The following ATP6V1H variants were observed in gnomAD, a reference collection of about 807,000 sequenced individuals.
The protein encoded by ATP6V1H is ATPase H+ transporting V1 subunit H.
Under a neutral mutation model 71.7 loss-of-function variants are expected in ATP6V1H, and 39 were observed. The ratio of observed to expected loss-of-function variants is 0.54; its 90% CI spans 0.42 to 0.71. The LOEUF (loss-of-function observed/expected upper bound fraction) is 0.71, where lower values mean the gene tolerates loss of function less well. Among genes scored for constraint, ATP6V1H ranks in the 30% least tolerant of loss-of-function variants. ATP6V1H has a pLI of 0.00. For missense variants in ATP6V1H, 509 were observed against 594.9 expected (o/e 0.86, Z 1.50); for synonymous variants, 192 against 199.3 (o/e 0.96, Z 0.31).
Position 53,752,313 on chromosome 8 carries a change from C to T in ATP6V1H, c.1277+4242G>A, listed in dbSNP as rs757354842. 3.9e-5 allele frequency among the ~76,000 whole-genome samples: 6 copies of T among 152,308 alleles called. No homozygotes were observed. In the South Asian group the frequency reaches 1.0e-3, roughly 26 times the overall value. On this transcript the variant is annotated intron_variant, in intron 12 of 13. Coordinates refer to ENST00000359530, the MANE Select transcript of ATP6V1H (RefSeq NM_015941.4). The stretch of plus-strand genomic sequence containing the variant: ...TAGGCTGGGAATCCTTCTCCTGATA[C>T]CTCACTAGAGGCAACACTCTATTTT...
At chr8:53,786,530 G>A (rs934437927) in intron 9 of ATP6V1H, among the ~76,000 whole-genome samples, 6 of 152,088 alleles carry the variant, frequency 3.9e-5, no homozygotes, top group East Asian at 1.9e-4. Flanking sequence ...CGCACTGTGC[G>A]CTGCACACAC....
At chr8:53,827,148 G>A (rs1282969698) in intron 4 of ATP6V1H, among the ~76,000 whole-genome samples, 2 of 151,962 alleles carry the variant, frequency 1.3e-5, no homozygotes, top group South Asian at 2.1e-4. Context: ...TTGGGAGGCC[G>A]AGGTGGGCAG....
chr8:53,783,638 T>C (rs1387228046), intron 9 of ATP6V1H, among the ~76,000 whole-genome samples: 1 of 152,240 alleles, frequency 6.6e-6, no homozygotes, highest in African/African-American at 2.4e-5. Flanking sequence ...GTTGTTAGGG[T>C]GTCAATTTTA....
chr8:53,789,057 T>C (rs1809479088), intron 9 of ATP6V1H, among the ~76,000 whole-genome samples: 1 of 152,234 alleles, frequency 6.6e-6, no homozygotes, highest in African/African-American at 2.4e-5. Context: ...CTTACATATA[T>C]TTGGTCTTCA....
intron 13 of ATP6V1H, among the ~76,000 whole-genome samples, chr8:53,717,127 G>C (rs981280708): frequency 6.6e-6 from 1 of 152,268 alleles, no homozygotes; most frequent in African/African-American, 2.4e-5. Flanking sequence ...ACCTTTGGGG[G>C]CCACCGATGT....
intron 7 of ATP6V1H, among the ~76,000 whole-genome samples, chr8:53,808,914 A>C (rs1009583893): frequency 6.6e-6 from 1 of 152,202 alleles, no homozygotes; most frequent in Admixed American, 6.5e-5. Context: ...CACATTTTGC[A>C]GTGTAAAACT....
rs546757798 is a variant in ATP6V1H, at chr8:53,722,056, C to A, written c.1392-6032G>T. Among the ~76,000 whole-genome samples the A allele has an allele frequency of 3.3e-5, 5 of 152,154 alleles. No homozygotes were observed. The South Asian group carries it at 1.0e-3, about 32-fold the overall frequency. On this transcript the variant is annotated intron_variant, in intron 13 of 13. Coordinates refer to ENST00000359530, the MANE Select transcript of ATP6V1H (RefSeq NM_015941.4). ...GCAATTTATGTAAAATTTGCAATAA[C>A]AAAGTTATTTTTTCCTACAGGAATT...
chr8:53,767,282 C>T (rs761892883), intron 11 of ATP6V1H, among the ~76,000 whole-genome samples: 6 of 152,118 alleles, frequency 3.9e-5, no homozygotes, highest in Non-Finnish European at 8.8e-5. Context: ...CACACTAATG[C>T]TAAAAACAGG....
intron 2 of ATP6V1H, among the ~76,000 whole-genome samples, chr8:53,836,411 T>A (rs1245637909): frequency 1.3e-5 from 2 of 152,314 alleles, no homozygotes; most frequent in African/African-American, 4.8e-5. Flanking sequence ...TCCCTAACCT[T>A]TTTCTTTCCT....
intron 11 of ATP6V1H, among the ~76,000 whole-genome samples, chr8:53,760,293 T>C (rs1367186316): frequency 6.6e-6 from 1 of 152,044 alleles, no homozygotes; most frequent in Non-Finnish European, 1.5e-5. Context: ...AAGGGAAAAA[T>C]GCCTCAAGTG....
Position 53,749,379 on chromosome 8 carries a change from T to G in ATP6V1H, c.1278-5689A>C, listed in dbSNP as rs146504495. Among the ~76,000 whole-genome samples, 536 of 152,326 alleles carry G rather than the reference T, an allele frequency of 3.5e-3. 3 individuals are homozygous for G. Among genetic ancestry groups the G allele is most frequent in the African/African-American group, 0.012 (494 of 41,568 alleles). On this transcript the variant is annotated intron_variant, in intron 12 of 13. Coordinates refer to ENST00000359530, the MANE Select transcript of ATP6V1H (RefSeq NM_015941.4). ...GGCTTGGAAGACTGGACAATTGTACTCGAGGGCTGGCCAGGCTGAATCACC... is the reference window on the plus strand; with the variant it reads ...GGCTTGGAAGACTGGACAATTGTACGCGAGGGCTGGCCAGGCTGAATCACC...
chr8:53,741,787 T>C (rs1475214671), intron 13 of ATP6V1H, among the ~76,000 whole-genome samples: 1 of 152,204 alleles, frequency 6.6e-6, no homozygotes. Context: ...ACTGAAGTTA[T>C]GGAAAAAAGT....
chr8:53,811,085 C>A, intron 7 of ATP6V1H, 79 bp downstream of exon 7: 1 of 1,262,810 alleles, frequency 7.9e-7, no homozygotes, highest in Non-Finnish European at 1.1e-6. Context: ...AACTAGTAAA[C>A]ACCTTCAAAA....
chr8:53,826,656 A>G (rs1281197804), intron 4 of ATP6V1H, among the ~76,000 whole-genome samples: 5 of 152,132 alleles, frequency 3.3e-5, no homozygotes, highest in African/African-American at 1.2e-4. Flanking sequence ...TTAAAAACCA[A>G]TGATATTGGG....
chr8:53,748,610 T>C lies in ATP6V1H; in HGVS notation c.1278-4920A>G, dbSNP rs559547394. Among the ~76,000 whole-genome samples, 7 of 152,246 alleles carry C rather than the reference T, an allele frequency of 4.6e-5. No individual in the cohort carries two copies. The East Asian group carries it at 9.6e-4, about 21-fold the overall frequency. ...TTTTTAAAACTCTGTAGATGGAAAA[T>C]ACCCATGATAAATGAGGAAATGCAG... On this transcript the variant is annotated intron_variant, in intron 12 of 13. Coordinates refer to ENST00000359530, the MANE Select transcript of ATP6V1H (RefSeq NM_015941.4).
At chr8:53,772,961 G>A (rs1315808322) in intron 9 of ATP6V1H, among the ~76,000 whole-genome samples, 1 of 142,564 alleles carries the variant, frequency 7.0e-6, no homozygotes, top group Non-Finnish European at 1.5e-5. Context: ...AAAAAAACTT[G>A]AATTTTTTTT....
At position 53,755,676 on chromosome 8, in the gene ATP6V1H, A is replaced by G. The variant is rs150756956; in HGVS notation, c.1277+879T>C. On this transcript the variant is annotated intron_variant, in intron 12 of 13. Transcript: ENST00000359530. ...AATGTGATCTACACAGTAGTATTAT[A>G]CCAGCGTACATATATATATATATAT... is the stretch of plus-strand genomic sequence containing the variant. Among the ~76,000 whole-genome samples the G allele has an allele frequency of 4.4e-4, 43 of 98,678 alleles. 1 individual carries two copies. The highest frequency in any genetic ancestry group is 1.6e-3 in the African/African-American group (43 of 26,176). The allele number at this position is 98,678 out of a possible 152,430, so 64.7% of individuals were successfully genotyped here.
chr8:53,757,210 T>TGTCAC (rs1310541106), intron 11 of ATP6V1H, among the ~76,000 whole-genome samples: 29 of 152,276 alleles, frequency 1.9e-4, no homozygotes, highest in Non-Finnish European at 2.2e-4. Flanking sequence ...TCTGGTACTT[T>TGTCAC]CTCCAATACA....
intron 12 of ATP6V1H, among the ~76,000 whole-genome samples, chr8:53,745,787 G>A (rs531711560): frequency 6.6e-6 from 1 of 151,878 alleles, no homozygotes; most frequent in African/African-American, 2.4e-5. Flanking sequence ...TGTTTCTAGC[G>A]TAAGAGACAA....
Sources: allele counts gnomAD v4.1 joint callset (sites outside exome capture counted in the v4.1 genomes callset), GRCh38; gene constraint gnomAD v4.1.1; transcripts MANE v1.5; gene names NCBI Gene and HGNC (gene_info 2026-07-23, HGNC 2026-07-21).